ST6GALNAC1: variants seen among roughly 807,000 people sequenced by gnomAD.
The protein encoded by ST6GALNAC1 is ST6 N-acetylgalactosaminide alpha-2,6-sialyltransferase 1.
ST6GALNAC1 carries 45 observed loss-of-function variants against 56.8 expected under a neutral mutation model. The observed-to-expected ratio is 0.79, with a 90% CI of 0.62 to 1.02. ST6GALNAC1 has a LOEUF of 1.02. Among genes scored for constraint, ST6GALNAC1 ranks in the 50% least tolerant of loss-of-function variants. The pLI is 0.00. For missense variants in ST6GALNAC1, 743 were observed against 754.8 expected (o/e 0.98, Z 0.18); for synonymous variants, 295 against 297.8 (o/e 0.99, Z 0.10).
the ST6GALNAC1 span, among the ~76,000 whole-genome samples, chr17:76,617,505 CAT>C: frequency 1.3e-5 from 2 of 152,066 alleles, no homozygotes; most frequent in African/African-American, 2.4e-5. Flanking sequence ...AAAGAAGGGA[CAT>C]GTGGTTATAG....
chr17:76,638,960 T>C (rs780323975), intron 1 of ST6GALNAC1, among the ~76,000 whole-genome samples: 8 of 152,194 alleles, frequency 5.3e-5, no homozygotes, highest in Non-Finnish European at 7.3e-5. Context: ...TGACTTCTTC[T>C]CAGTCCTTTC....
At position 76,628,891 on chromosome 17, in the gene ST6GALNAC1, G is replaced by A. The variant is rs1396656763; in HGVS notation, c.831+121C>T. On this transcript the variant is annotated intron_variant, in intron 2 of 8. Coordinates refer to ENST00000156626, the MANE Select transcript of ST6GALNAC1 (RefSeq NM_018414.5). The stretch of plus-strand genomic sequence containing the variant: ...AGCTCTGCCTCATAATGAGCTTGGG[G>A]CAGGACAAGACAAAGTCTAGAAGCA... 11 of 911,444 alleles carry A rather than the reference G, an allele frequency of 1.2e-5. No homozygotes were observed. The Admixed American group carries it at 2.6e-4, about 22-fold the overall frequency. 56.5% of individuals were successfully genotyped at this position (911,444 alleles called of 1,614,324 possible). A position where few individuals can be genotyped will look rare whatever the true frequency, so the allele number is the denominator to read the frequency against.
chr17:76,634,387 T>A (rs2075947434), intron 1 of ST6GALNAC1, among the ~76,000 whole-genome samples: 1 of 152,106 alleles, frequency 6.6e-6, no homozygotes, highest in Non-Finnish European at 1.5e-5. Flanking sequence ...CCCTCTCCAC[T>A]CCCTGCTGTG....
Position 76,643,589 on chromosome 17 carries a change from C to T in ST6GALNAC1, c.50G>A (p.Trp17Ter), listed in dbSNP as rs1567965084. ...RCRHLSQGVQWSLLLAVLVFF... is the reference protein window; with the variant it reads ...RCRHLSQGVQ Reference sequence around the variant, plus strand: ...GACCAGGACAGCCAGAAGCAAGGACCACTGGACGCCTTGGCTCAGGTGCCT... The same window carrying T: ...GACCAGGACAGCCAGAAGCAAGGACTACTGGACGCCTTGGCTCAGGTGCCT... Residue 17 changes from tryptophan (W) to a stop codon, truncating the protein, a stop_gained, in exon 1 of 9, where the codon TGG becomes TAG. Transcript: ENST00000156626. LOFTEE classifies it high-confidence loss of function. The T allele has an allele frequency of 6.2e-7, 1 of 1,614,104 alleles. No homozygotes were observed. The highest frequency in any genetic ancestry group is 8.5e-7 in the Non-Finnish European group (1 of 1,179,992).
In ST6GALNAC1 at chr17:76,643,541, G is replaced by A. The variant is rs34722280; in HGVS notation, c.98C>T (p.Ser33Phe). 7.0e-4 allele frequency: 1,135 copies of A among 1,614,098 alleles called. 12 individuals are homozygous for A. In the African/African-American group the frequency reaches 0.013, roughly 19 times the overall value. ...VLVFFLFALP[S>F]FIKEPQTKPS... Reference sequence around the variant, plus strand: ...CTTTGTTTGAGGCTCCTTAATAAAAGAGGGCAAGGCGAAGAGAAAGAAGAC... The same window carrying A: ...CTTTGTTTGAGGCTCCTTAATAAAAAAGGGCAAGGCGAAGAGAAAGAAGAC... The change falls in exon 1 of 9, where the codon TCT becomes TTT. Residue 33 changes from serine to phenylalanine, a missense_variant. Ser to Phe is a radical substitution (Grantham distance 155). Coordinates refer to ENST00000156626, the MANE Select transcript of ST6GALNAC1 (RefSeq NM_018414.5).
At chr17:76,631,860 G>T (rs1043437230) in intron 1 of ST6GALNAC1, among the ~76,000 whole-genome samples, 1 of 152,052 alleles carries the variant, frequency 6.6e-6, no homozygotes, top group Admixed American at 6.6e-5. Context: ...GGGGGTTATT[G>T]GTTCATGAAC....
At chr17:76,631,537 T>C (rs2143450181) in intron 1 of ST6GALNAC1, among the ~76,000 whole-genome samples, 1 of 152,318 alleles carries the variant, frequency 6.6e-6, no homozygotes, top group Non-Finnish European at 1.5e-5. Flanking sequence ...TGGGGGGGCT[T>C]GGAACCAGGA....
Position 76,627,535 on chromosome 17 carries a change from G to A in ST6GALNAC1, c.880C>T (p.Gln294Ter). The A allele has an allele frequency of 6.2e-7, 1 of 1,614,200 alleles. No homozygotes were observed. The highest frequency in any genetic ancestry group is 1.1e-5 in the South Asian group (1 of 91,088). ...GTGAGGTTGGGCAGAAAGAGTTTCT[G>A]GAGCCACAGCGACTTGGAGGCTTTG... Reference protein sequence around the residue: ...KIKASKSLWLQKLFLPNLTLF... With the variant: ...KIKASKSLWL The change falls in exon 3 of 9, where the codon CAG (glutamine) becomes TAG (stop). Residue 294 changes from glutamine to a stop codon, truncating the protein, a stop_gained. Transcript: ENST00000156626. LOFTEE classifies it high-confidence loss of function. This position sits in a 1 kb window ranked among gnomAD's most constrained non-coding sequence, Gnocchi z 4.4.
intron 1 of ST6GALNAC1, among the ~76,000 whole-genome samples, chr17:76,635,118 C>G (rs1055924272): frequency 2.0e-5 from 3 of 152,132 alleles, no homozygotes; most frequent in African/African-American, 7.2e-5. Context: ...TTTCTCAAAT[C>G]AAAGCCTGTG....
At position 76,629,594 on chromosome 17, in the gene ST6GALNAC1, G is replaced by C; in HGVS notation, c.249C>G (p.Asn83Lys). Reference sequence around the variant, plus strand: ...GCTGGGTTTGTGTGTTGAGGGCATTGTTCTCTGGCACTGGCTCTGCATAGA... The same window carrying C: ...GCTGGGTTTGTGTGTTGAGGGCATTCTTCTCTGGCACTGGCTCTGCATAGA... ...TTIYAEPVPE[N>K]NALNTQTQPK... The change falls in exon 2 of 9, where the codon AAC becomes AAG. Residue 83 changes from asparagine to lysine, a missense_variant. Transcript: ENST00000156626. 6.2e-7 allele frequency: 1 copy of C among 1,613,688 alleles called. No individual in the cohort carries two copies. The highest frequency in any genetic ancestry group is 8.5e-7 in the Non-Finnish European group (1 of 1,179,754).
rs577307595 is a variant in ST6GALNAC1 at position 76,629,845 on chromosome 17, C to T, written c.132-134G>A. 3.2e-5 allele frequency: 21 copies of T among 658,880 alleles called. No individual in the cohort carries two copies. In the Admixed American group the frequency reaches 4.2e-4, roughly 13 times the overall value. The allele number at this position is 658,880 out of a possible 1,614,324, so 40.8% of individuals were successfully genotyped here. A position where few individuals can be genotyped will look rare whatever the true frequency, so the allele number is the denominator to read the frequency against. ...TCACCCAGGCTGGAGTGCAGTGGTA[C>T]GATTTCAGCTCACTGCAACCTCCAT... On this transcript the variant is annotated intron_variant, in intron 1 of 8. Coordinates refer to ENST00000156626, the MANE Select transcript of ST6GALNAC1 (RefSeq NM_018414.5).
intron 1 of ST6GALNAC1, among the ~76,000 whole-genome samples, chr17:76,630,317 C>G (rs1260165427): frequency 6.6e-6 from 1 of 152,122 alleles, no homozygotes; most frequent in African/African-American, 2.4e-5. Flanking sequence ...AAGGCAGGGC[C>G]GGCCAAGGCA....
chr17:76,636,242 C>T (rs1323311190), intron 1 of ST6GALNAC1, among the ~76,000 whole-genome samples: 1 of 152,124 alleles, frequency 6.6e-6, no homozygotes, highest in Non-Finnish European at 1.5e-5. Context: ...TCCCTCTCCA[C>T]CCCACCCCCA....
intron 1 of ST6GALNAC1, among the ~76,000 whole-genome samples, chr17:76,630,331 TG>T (rs2075873991): frequency 6.6e-6 from 1 of 152,132 alleles, no homozygotes; most frequent in Non-Finnish European, 1.5e-5. Flanking sequence ...CAAGGCAATA[TG>T]GGAAGCAGGC....
downstream of ST6GALNAC1, among the ~76,000 whole-genome samples, chr17:76,621,757 G>A (rs1347016875): frequency 1.3e-5 from 2 of 152,032 alleles, no homozygotes; most frequent in African/African-American, 4.8e-5. Flanking sequence ...TTACAGGCGT[G>A]AGCCATCACA....
intron 5 of ST6GALNAC1, 48 bp from the exon 6 acceptor site, chr17:76,626,440 C>T (rs1598289109): frequency 6.3e-7 from 1 of 1,592,270 alleles, no homozygotes; most frequent in Non-Finnish European, 8.6e-7. Context: ...CCTTCAGGAC[C>T]ACCACCGAGG....
chr17:76,626,137 T>A, intron 6 of ST6GALNAC1, 42 bp from the exon 7 acceptor site: 2 of 1,598,140 alleles, frequency 1.3e-6, no homozygotes, highest in Non-Finnish European at 1.7e-6. Context: ...CTCCCTTACC[T>A]GGTCTGGGGT....
At position 76,629,133 on chromosome 17, in the gene ST6GALNAC1, G is replaced by C; in HGVS notation, c.710C>G (p.Pro237Arg). 1 of 1,613,626 alleles carries C rather than the reference G, an allele frequency of 6.2e-7. No homozygotes were observed. Among genetic ancestry groups the C allele is most frequent in the Non-Finnish European group, 8.5e-7 (1 of 1,179,576 alleles). The change falls in exon 2 of 9, where the codon CCT becomes CGT. Residue 237 changes from proline (P) to arginine (R), a missense_variant. Pro to Arg is a moderately radical substitution (Grantham distance 103). Transcript: ENST00000156626. ...KEKKPQATPP[P>R]APFQSPTTQR... ...CGTCGTGGGGCTCTGGAAAGGGGCA[G>C]GGGGTGGGGTGGCCTGAGGTTTCTT...
rs2075829736 is a variant in ST6GALNAC1, at chr17:76,627,952, C to T, written c.832-369G>A. Among the ~76,000 whole-genome samples the T allele has an allele frequency of 6.6e-6, 1 of 152,028 alleles. No homozygotes were observed. The highest frequency in any genetic ancestry group is 2.4e-5 in the African/African-American group (1 of 41,404). ...CTCTACTAAAAATACAAAAAATTAGCCGGGCGTGGTGGCGGGCGCCTGTAG... is the reference window on the plus strand; with the variant it reads ...CTCTACTAAAAATACAAAAAATTAGTCGGGCGTGGTGGCGGGCGCCTGTAG... On this transcript the variant is annotated intron_variant, in intron 2 of 8. Transcript: ENST00000156626. The surrounding 1 kb of genome is among the most constrained non-coding windows in gnomAD (Gnocchi z 4.4).
Sources: allele counts gnomAD v4.1 joint callset (sites outside exome capture counted in the v4.1 genomes callset), GRCh38; gene constraint gnomAD v4.1.1; non-coding constraint Gnocchi (gnomAD v3.1); transcripts MANE v1.5; gene names NCBI Gene and HGNC (gene_info 2026-07-23, HGNC 2026-07-21).